TMEM164: variants seen among roughly 807,000 people sequenced by gnomAD.
The protein encoded by TMEM164 is transmembrane protein 164, also known as RP13-360B22.2.
TMEM164 carries 4 observed loss-of-function variants against 18.8 expected under a neutral mutation model. That is an observed-to-expected ratio of 0.21 (90% CI 0.10 to 0.49). The LOEUF is 0.49. Among genes scored for constraint, TMEM164 ranks in the 20% least tolerant of loss-of-function variants. TMEM164 has a pLI of 0.98. For missense variants in TMEM164, 108 were observed against 239.9 expected, an observed-to-expected ratio of 0.45 and a Z score of 3.63; for synonymous variants, 86 against 101.7, an observed-to-expected ratio of 0.85 and a Z score of 0.93.
At chrX:110,168,781 C>T (rs781409084) in intron 5 of TMEM164, among the ~76,000 whole-genome samples, 7 of 112,600 alleles carry the variant, frequency 6.2e-5, no homozygotes, top group South Asian at 3.7e-4. Flanking sequence ...TCTCTTTCTA[C>T]GTATGTTCCC....
chrX:110,084,251 C>T (rs187579566), intron 3 of TMEM164, among the ~76,000 whole-genome samples: 1 of 103,410 alleles, frequency 9.7e-6, no homozygotes, highest in Non-Finnish European at 1.9e-5. Flanking sequence ...CGCCTGTAAT[C>T]CCAGCACTTC....
At position 110,176,538 on chromosome X, in the gene TMEM164, C is replaced by T. The variant is rs146108493; in HGVS notation, c.*3087C>T. 2.2e-4 allele frequency: 76 copies of T among 352,420 alleles called. No homozygotes were observed. In the East Asian group the frequency reaches 0.012, roughly 57 times the overall value. The allele number at this position is 352,420 out of a possible 1,213,427, so 29.0% of individuals were successfully genotyped here. ...TAACCAGGGTGATCGGCGAACTTTA[C>T]CGTACAGTACCTCAGTCTAGCTGTC... On this transcript the variant is annotated 3_prime_UTR_variant, in exon 7 of 7. Transcript: ENST00000372068.
intron 3 of TMEM164, among the ~76,000 whole-genome samples, chrX:110,089,701 T>C (rs2065898730): frequency 8.9e-6 from 1 of 112,166 alleles, no homozygotes. Context: ...TGAAGGGATC[T>C]TGAATAGTAC....
intron 2 of TMEM164, among the ~76,000 whole-genome samples, chrX:110,035,068 T>C (rs1407251388): frequency 1.7e-5 from 1 of 58,103 alleles, no homozygotes; most frequent in African/African-American, 7.2e-5. Context: ...TGGGGACTGT[T>C]GTGGGGTGGG....
chrX:110,101,107 A>G lies in TMEM164; in HGVS notation c.441-7973A>G, dbSNP rs370699863. 5.5e-5 allele frequency among the ~76,000 whole-genome samples: 6 copies of G among 108,920 alleles called. No homozygotes were observed. In the East Asian group the frequency reaches 1.4e-3, roughly 26 times the overall value. The allele number at this position is 108,920 out of a possible 115,157, so 94.6% of individuals were successfully genotyped here. On this transcript the variant is annotated intron_variant, in intron 3 of 6. Transcript: ENST00000372068. Reference sequence around the variant, plus strand: ...ACTACCCAACTCCTCTAGTTTTGGTATCTGGGTAATGTAGTGATGGACCAT... The same window carrying G: ...ACTACCCAACTCCTCTAGTTTTGGTGTCTGGGTAATGTAGTGATGGACCAT...
chrX:110,057,548 CTTTTT>C (rs199733800), intron 2 of TMEM164, among the ~76,000 whole-genome samples: 1 of 80,572 alleles, frequency 1.2e-5, no homozygotes, highest in Admixed American at 1.3e-4. Flanking sequence ...TAGAATAGGT[CTTTTT>C]TTTTTTTTTT....
At chrX:110,067,833 T>G (rs753699576) in intron 3 of TMEM164, among the ~76,000 whole-genome samples, 1 of 112,580 alleles carries the variant, frequency 8.9e-6, no homozygotes, top group Admixed American at 9.4e-5. Context: ...CAAATTAAAG[T>G]GAGGAGAGGA....
intron 2 of TMEM164, among the ~76,000 whole-genome samples, chrX:110,053,445 A>C (rs993190516): frequency 8.9e-6 from 1 of 112,030 alleles, no homozygotes; most frequent in African/African-American, 3.2e-5. Context: ...AAGCACTGCA[A>C]ATGGTAGGTA....
chrX:110,090,976 C>T (rs893313925), intron 3 of TMEM164, among the ~76,000 whole-genome samples: 7 of 109,339 alleles, frequency 6.4e-5, no homozygotes, highest in South Asian at 3.9e-4. Context: ...TCTGTCCTTG[C>T]GATAGTTTGT....
At chrX:110,101,934 A>AT (rs1175216054) in intron 3 of TMEM164, among the ~76,000 whole-genome samples, 4 of 105,528 alleles carry the variant, frequency 3.8e-5, no homozygotes, top group African/African-American at 1.4e-4. Context: ...TTATTATTTC[A>AT]TTTTTTCTGC....
At chrX:110,148,453 C>T (rs2066889195) in intron 5 of TMEM164, among the ~76,000 whole-genome samples, 1 of 111,484 alleles carries the variant, frequency 9.0e-6, no homozygotes, top group African/African-American at 3.3e-5. Flanking sequence ...CCTGCTACCA[C>T]CTCTGGAGCC....
rs191821090 is a variant in TMEM164, at chrX:110,081,259, T to C, written c.440+13863T>C. On this transcript the variant is annotated intron_variant, in intron 3 of 6. Transcript: ENST00000372068. ...ATTATCCATACTATAAATAGAGCAG[T>C]AGGGGACCAAGAAATATTATATAAC... 8.4e-4 allele frequency among the ~76,000 whole-genome samples: 94 copies of C among 111,445 alleles called. No individual in the cohort carries two copies. In the South Asian group the frequency reaches 0.015, roughly 18 times the overall value.
At chrX:110,012,055 C>T (rs987085731) in intron 2 of TMEM164, among the ~76,000 whole-genome samples, 1 of 111,388 alleles carries the variant, frequency 9.0e-6, no homozygotes, top group South Asian at 3.8e-4. Context: ...CCAAGGAGGG[C>T]CCACACTGTC....
At chrX:110,060,873 A>G (rs996762217) in intron 2 of TMEM164, among the ~76,000 whole-genome samples, 1 of 112,200 alleles carries the variant, frequency 8.9e-6, no homozygotes, top group Non-Finnish European at 1.9e-5. Flanking sequence ...GATGCTATCA[A>G]TAGCTCATAC....
intron 2 of TMEM164, among the ~76,000 whole-genome samples, chrX:110,013,444 A>G (rs1226788490): frequency 8.9e-6 from 1 of 112,105 alleles, no homozygotes; most frequent in Non-Finnish European, 1.9e-5. Flanking sequence ...TGGGGTAAAG[A>G]GAGACTTCTA....
In TMEM164 at chrX:110,107,899, A is replaced by G. The variant is rs192730338; in HGVS notation, c.441-1181A>G. The stretch of plus-strand genomic sequence containing the variant: ...GGTCTTGAACTCCCGACCTCAGGTG[A>G]TCTGCCAGCCTCTGCCTCCCAAAGT... On this transcript the variant is annotated intron_variant, in intron 3 of 6. Coordinates refer to ENST00000372068, the MANE Select transcript of TMEM164 (RefSeq NM_032227.4). 4.5e-5 allele frequency among the ~76,000 whole-genome samples: 5 copies of G among 110,407 alleles called. 1 individual carries two copies. The Admixed American group carries it at 4.8e-4, about 11-fold the overall frequency.
chrX:110,153,486 G>A (rs1008992268), intron 5 of TMEM164, among the ~76,000 whole-genome samples: 7 of 111,597 alleles, frequency 6.3e-5, no homozygotes, highest in African/African-American at 2.3e-4. Flanking sequence ...CATCACGTGA[G>A]GCCCATGACC....
At chrX:110,109,374 C>T (rs1415194678) in intron 4 of TMEM164, among the ~76,000 whole-genome samples, 1 of 111,446 alleles carries the variant, frequency 9.0e-6, no homozygotes, top group Non-Finnish European at 1.9e-5. Flanking sequence ...AAAAATTAGC[C>T]AAGCATGGTG....
chrX:110,046,303 A>G (rs1416064852), intron 2 of TMEM164: 2 of 752,894 alleles, frequency 2.7e-6, no homozygotes, highest in Admixed American at 1.7e-4. Context: ...GGCCTTCTTT[A>G]TCCTATTTAA....
Sources: gnomAD v4.1 joint callset for allele counts (sites outside exome capture counted in the v4.1 genomes callset) on GRCh38, gnomAD v4.1.1 for gene constraint, MANE v1.5 for transcripts, NCBI Gene and HGNC (gene_info 2026-07-23, HGNC 2026-07-21) for gene names.